The following NAA11 variants were observed in gnomAD, a reference collection of about 807,000 sequenced individuals.
The protein encoded by NAA11 is N-alpha-acetyltransferase 11.
In NAA11, 15 loss-of-function variants were observed where a neutral mutation model predicts 16.1. The ratio of observed to expected loss-of-function variants is 0.93; its 90% CI spans 0.62 to 1.44. The LOEUF is 1.44. Ranked by LOEUF, NAA11 falls within the 40% of genes most tolerant of loss-of-function variation. NAA11 has a pLI of 0.00. For missense variants in NAA11, 298 were observed against 291.3 expected, an observed-to-expected ratio of 1.02 and a Z score of -0.17; for synonymous variants, 122 against 112.4, an observed-to-expected ratio of 1.09 and a Z score of -0.54.
chr4:79,280,157 G>A (rs1386072891), intron 2 of NAA11, among the ~76,000 whole-genome samples: 1 of 152,066 alleles, frequency 6.6e-6, no homozygotes, highest in African/African-American at 2.4e-5. Flanking sequence ...TGAATGTCAG[G>A]TACAAATTAA....
chr4:79,240,211 T>TCAAAGCAA (rs1721660989), intron 2 of NAA11, among the ~76,000 whole-genome samples: 3 of 152,326 alleles, frequency 2.0e-5, no homozygotes, highest in East Asian at 3.9e-4. Flanking sequence ...GGAACTCATT[T>TCAAAGCAA]CAAAGCAAAA....
the NAA11 span, among the ~76,000 whole-genome samples, chr4:79,157,529 A>G: frequency 1.3e-5 from 2 of 151,850 alleles, no homozygotes; most frequent in African/African-American, 4.8e-5. Flanking sequence ...ATATATGTAT[A>G]TGCATGTATA....
intron 2 of NAA11, among the ~76,000 whole-genome samples, chr4:79,257,601 A>G (rs974201095): frequency 1.4e-4 from 22 of 152,126 alleles, no homozygotes; most frequent in African/African-American, 4.1e-4. Context: ...TTTTTACTGC[A>G]TATTTCTCTG....
the NAA11 span, among the ~76,000 whole-genome samples, chr4:79,178,727 G>C: frequency 3.6e-3 from 554 of 152,278 alleles, 2 homozygotes; most frequent in Middle Eastern, 0.01. Flanking sequence ...TAAAAGAAAA[G>C]TTTGGTGCTG....
At chr4:79,192,134 C>T in the NAA11 span, among the ~76,000 whole-genome samples, 1 of 152,082 alleles carries the variant, frequency 6.6e-6, no homozygotes, top group Non-Finnish European at 1.5e-5. Context: ...CAGCTTCGTT[C>T]TTTTTGCTTA....
At chr4:79,212,756 C>T in the NAA11 span, among the ~76,000 whole-genome samples, 1 of 151,552 alleles carries the variant, frequency 6.6e-6, no homozygotes, top group African/African-American at 2.4e-5. Flanking sequence ...TAATCTCTTA[C>T]TGTGCCTAGT....
the NAA11 span, among the ~76,000 whole-genome samples, chr4:79,167,138 ATATATATATATATATATG>A: frequency 2.0e-4 from 12 of 59,246 alleles, 2 homozygotes; most frequent in South Asian, 1.7e-3. Flanking sequence ...TATTTTATAT[ATATATATATATATATATG>A]TATATGGAGA....
chr4:79,305,594 CT>C (rs1268415410), intron 1 of NAA11, among the ~76,000 whole-genome samples: 2 of 152,174 alleles, frequency 1.3e-5, no homozygotes, highest in Non-Finnish European at 2.9e-5. Flanking sequence ...GCTTTTTTTA[CT>C]TCCTGCTCTC....
At chr4:79,184,898 G>T in the NAA11 span, among the ~76,000 whole-genome samples, 1 of 151,988 alleles carries the variant, frequency 6.6e-6, no homozygotes, top group Non-Finnish European at 1.5e-5. Context: ...CAAAAATAAA[G>T]TTTTTTATAT....
the NAA11 span, among the ~76,000 whole-genome samples, chr4:79,162,231 C>T: frequency 6.6e-6 from 1 of 152,076 alleles, no homozygotes; most frequent in Admixed American, 6.5e-5. Flanking sequence ...AGTAAATATT[C>T]CCATGTATTT....
the NAA11 span, among the ~76,000 whole-genome samples, chr4:79,204,928 TACACAC>T: frequency 7.8e-3 from 1,154 of 147,906 alleles, 18 homozygotes; most frequent in African/African-American, 0.027. Flanking sequence ...ATGGTGTGTA[TACACAC>T]ACACACACAC....
intron 2 of NAA11, among the ~76,000 whole-genome samples, chr4:79,281,273 G>A (rs549183456): frequency 6.9e-4 from 103 of 148,802 alleles, no homozygotes; most frequent in Non-Finnish European, 1.3e-3. Flanking sequence ...TGCAGATGGA[G>A]GAAAAAAAAA....
At chr4:79,319,470 C>T (rs1341746720) in intron 1 of NAA11, among the ~76,000 whole-genome samples, 2 of 152,098 alleles carry the variant, frequency 1.3e-5, no homozygotes, top group African/African-American at 4.8e-5. Context: ...GAATCATTGC[C>T]CATTCAAAGA....
At chr4:79,290,951 G>T (rs1320162797) in intron 2 of NAA11, among the ~76,000 whole-genome samples, 1 of 151,930 alleles carries the variant, frequency 6.6e-6, no homozygotes, top group East Asian at 1.9e-4. Flanking sequence ...CTATCATTGT[G>T]GAAGTACAAG....
At chr4:79,219,037 C>A in the NAA11 span, among the ~76,000 whole-genome samples, 1 of 152,070 alleles carries the variant, frequency 6.6e-6, no homozygotes, top group East Asian at 1.9e-4. Flanking sequence ...AGAATTAAAT[C>A]ATTAAGAAAC....
At chr4:79,256,503 C>T (rs1722108892) in intron 2 of NAA11, among the ~76,000 whole-genome samples, 1 of 151,820 alleles carries the variant, frequency 6.6e-6, no homozygotes, top group East Asian at 1.9e-4. Flanking sequence ...TGGGTTCTTT[C>T]ATCAGAGACA....
intron 1 of NAA11, among the ~76,000 whole-genome samples, chr4:79,318,062 G>T (rs1174811707): frequency 1.3e-5 from 2 of 152,050 alleles, no homozygotes; most frequent in Non-Finnish European, 2.9e-5. Context: ...CAGGAGAAAG[G>T]GACAGGAAGA....
chr4:79,246,357 C>CAAGAAT (rs1308058965), intron 2 of NAA11, among the ~76,000 whole-genome samples: 11 of 92,264 alleles, frequency 1.2e-4, no homozygotes, highest in Non-Finnish European at 4.4e-5. Flanking sequence ...GAGAAACACC[C>CAAGAAT]AAGAATAATC....
In NAA11 at chr4:79,239,120, T is replaced by C. The variant is rs115326881; in HGVS notation, c.*123-12850A>G. On this transcript the variant is annotated intron_variant and NMD_transcript_variant, in intron 2 of 2. Coordinates refer to the NAA11 transcript ENST00000511542. ...GACAATGACAGCTGGTAGGATTCCA[T>C]TGAGCGAGTTGGCAAGGCTTGGGAG... 3.9e-3 allele frequency among the ~76,000 whole-genome samples: 587 copies of C among 152,280 alleles called. 2 individuals are homozygous for C. The highest frequency in any genetic ancestry group is 0.013 in the African/African-American group (561 of 41,560).
Sources: allele counts gnomAD v4.1 joint callset (sites outside exome capture counted in the v4.1 genomes callset), GRCh38; gene constraint gnomAD v4.1.1; transcripts MANE v1.5; gene names NCBI Gene and HGNC (gene_info 2026-07-23, HGNC 2026-07-21).